The following CNTNAP2 variants were observed in gnomAD, a reference collection of about 807,000 sequenced individuals.
CNTNAP2 encodes contactin-associated protein-like 2.
In CNTNAP2, 98 loss-of-function variants were observed where a neutral mutation model predicts 155.2. The observed-to-expected ratio is 0.63, with a 90% confidence interval of 0.54 to 0.75. The LOEUF (loss-of-function observed/expected upper bound fraction) is 0.75, where lower values mean the gene tolerates loss of function less well. CNTNAP2 is among the 30% of genes least tolerant of loss of function. CNTNAP2 has a pLI of 0.00. For missense variants in CNTNAP2, 1,727 were observed against 1,688.1 expected (o/e 1.02, Z -0.40); for synonymous variants, 651 against 631.2 (o/e 1.03, Z -0.47).
intron 1 of CNTNAP2, among the ~76,000 whole-genome samples, chr7:146,152,966 T>G (rs1003711806): frequency 6.6e-5 from 10 of 152,082 alleles, no homozygotes; most frequent in Non-Finnish European, 1.5e-4. Context: ...CACAACAAAT[T>G]TGATCAAAAT....
intron 4 of CNTNAP2, among the ~76,000 whole-genome samples, chr7:147,063,842 T>A (rs1361623231): frequency 6.6e-6 from 1 of 151,988 alleles, no homozygotes; most frequent in Non-Finnish European, 1.5e-5. Context: ...CAGTGTAATA[T>A]AAAAAATATA....
At chr7:147,499,579 A>T (rs1798773405) in intron 11 of CNTNAP2, among the ~76,000 whole-genome samples, 1 of 152,184 alleles carries the variant, frequency 6.6e-6, no homozygotes, top group Non-Finnish European at 1.5e-5. Context: ...ACTATGCCTA[A>T]AAAATGAGTC....
At chr7:147,088,184 G>A (rs931821699) in intron 4 of CNTNAP2, among the ~76,000 whole-genome samples, 30 of 152,230 alleles carry the variant, frequency 2.0e-4, no homozygotes, top group African/African-American at 7.2e-4. Flanking sequence ...AAGAGGGAAT[G>A]ATTTATCAAA....
At chr7:147,878,070 G>C (rs1352868753) in intron 13 of CNTNAP2, among the ~76,000 whole-genome samples, 1 of 151,986 alleles carries the variant, frequency 6.6e-6, no homozygotes, top group African/African-American at 2.4e-5. Flanking sequence ...GGTTTTTGCA[G>C]CTATGGTAGT....
chr7:147,797,750 A>G (rs1797922130), intron 13 of CNTNAP2, among the ~76,000 whole-genome samples: 1 of 152,192 alleles, frequency 6.6e-6, no homozygotes, highest in South Asian at 2.1e-4. Flanking sequence ...TCCAGCATAA[A>G]TTACTAAAGG....
intron 8 of CNTNAP2, among the ~76,000 whole-genome samples, chr7:147,295,940 A>G (rs1410320768): frequency 6.6e-6 from 1 of 152,178 alleles, no homozygotes; most frequent in African/African-American, 2.4e-5. Flanking sequence ...AAGTTCCTGG[A>G]AGAAAATAAA....
chr7:147,495,490 G>T (rs140448574), intron 11 of CNTNAP2, among the ~76,000 whole-genome samples: 40 of 152,282 alleles, frequency 2.6e-4, no homozygotes, highest in African/African-American at 9.1e-4. Context: ...AATAAAACAA[G>T]AATAATAGTA....
At chr7:147,172,883 A>T (rs1006440127) in intron 8 of CNTNAP2, among the ~76,000 whole-genome samples, 2 of 152,182 alleles carry the variant, frequency 1.3e-5, no homozygotes, top group Non-Finnish European at 2.9e-5. Context: ...TGTTTGGTAT[A>T]TTTAAACCCT....
chr7:146,229,724 T>G (rs1799354037), intron 1 of CNTNAP2, among the ~76,000 whole-genome samples: 1 of 15,116 alleles, frequency 6.6e-5, no homozygotes, highest in Admixed American at 1.4e-3. Context: ...AGTTTTTTGT[T>G]TTTTTTTTCT....
At chr7:147,529,053 C>T (rs1474510044) in intron 11 of CNTNAP2, among the ~76,000 whole-genome samples, 1 of 152,094 alleles carries the variant, frequency 6.6e-6, no homozygotes, top group Non-Finnish European at 1.5e-5. Flanking sequence ...CGATACATGT[C>T]CATTTTAGAA....
At chr7:147,233,342 C>G (rs1250045023) in intron 8 of CNTNAP2, among the ~76,000 whole-genome samples, 1 of 152,178 alleles carries the variant, frequency 6.6e-6, no homozygotes, top group Non-Finnish European at 1.5e-5. Context: ...GCCAGCTGAA[C>G]TGTTGACTCA....
chr7:147,932,582 C>T lies in CNTNAP2; in HGVS notation c.2255+28861C>T, dbSNP rs571439947. ...ACTCAAAATTAATTAAAGACTTAAA[C>T]GTAAGACCTGAAACTGTAAATCCTT... On this transcript the variant is annotated intron_variant, in intron 14 of 23. Coordinates refer to ENST00000361727, the MANE Select transcript of CNTNAP2 (RefSeq NM_014141.6). Among the ~76,000 whole-genome samples, 31 of 152,254 alleles carry T rather than the reference C, an allele frequency of 2.0e-4. No individual in the cohort carries two copies. In the South Asian group the frequency reaches 3.3e-3, roughly 16 times the overall value.
At chr7:146,420,678 G>C (rs1331573068) in intron 1 of CNTNAP2, among the ~76,000 whole-genome samples, 1 of 152,026 alleles carries the variant, frequency 6.6e-6, no homozygotes, top group Non-Finnish European at 1.5e-5. Context: ...TTAAATGTTT[G>C]TATTGATAGA....
intron 11 of CNTNAP2, among the ~76,000 whole-genome samples, chr7:147,507,701 T>C (rs1031537589): frequency 1.5e-4 from 23 of 151,768 alleles, no homozygotes; most frequent in South Asian, 1.0e-3. Flanking sequence ...TACAGGTGTC[T>C]GCCACCACGC....
intron 14 of CNTNAP2, among the ~76,000 whole-genome samples, chr7:147,905,275 A>G (rs565152129): frequency 2.2e-4 from 33 of 152,278 alleles, no homozygotes; most frequent in African/African-American, 6.3e-4. Context: ...AGCCTCCCCA[A>G]CTAGGAGAAG....
At chr7:146,880,108 T>A (rs10241417) in intron 3 of CNTNAP2, among the ~76,000 whole-genome samples, 118,297 of 151,958 alleles carry the variant, frequency 0.78, 46,200 homozygotes, top group South Asian at 0.85. Flanking sequence ...GCAGCTAAAA[T>A]TTCAAGATGA....
chr7:147,941,685 T>A (rs1367536169), intron 14 of CNTNAP2, among the ~76,000 whole-genome samples: 2 of 152,224 alleles, frequency 1.3e-5, no homozygotes, highest in Non-Finnish European at 2.9e-5. Flanking sequence ...TTAGTTGTGT[T>A]TTTAATGAGT....
chr7:148,230,689 A>G, intron 20 of CNTNAP2, among the ~76,000 whole-genome samples: 1 of 152,210 alleles, frequency 6.6e-6, no homozygotes, highest in African/African-American at 2.4e-5. Context: ...ATAACTTGAT[A>G]TGGAGTTTGC....
chr7:148,349,237 T>A (rs1172490506), intron 21 of CNTNAP2, among the ~76,000 whole-genome samples: 1 of 152,070 alleles, frequency 6.6e-6, no homozygotes, highest in Non-Finnish European at 1.5e-5. Flanking sequence ...AGAGTGGATT[T>A]GAAGGAACCA....
Sources: gnomAD v4.1 joint callset for allele counts (sites outside exome capture counted in the v4.1 genomes callset) on GRCh38, gnomAD v4.1.1 for gene constraint, MANE v1.5 for transcripts, NCBI Gene and HGNC (gene_info 2026-07-23, HGNC 2026-07-21) for gene names.